ANKRD28: variants seen among roughly 807,000 people sequenced by gnomAD.
ANKRD28 encodes the protein ankyrin repeat domain 28, also known as serine/threonine-protein phosphatase 6 regulatory ankyrin repeat subunit A.
Under a neutral mutation model 126.5 loss-of-function variants are expected in ANKRD28, and 44 were observed. The ratio of observed to expected loss-of-function variants is 0.35; its 90% CI spans 0.27 to 0.45. The LOEUF is 0.45. Ranked by LOEUF, ANKRD28 falls within the 20% of genes least tolerant of loss-of-function variation. ANKRD28 has a pLI of 1.00. For synonymous variants in ANKRD28, 442 were observed against 468.5 expected, an observed-to-expected ratio of 0.94 and a Z score of 0.73; for missense variants, 1,110 against 1,316.6, an observed-to-expected ratio of 0.84 and a Z score of 2.43.
rs551103706 is a variant in ANKRD28, at chr3:15,744,473, CT to C, written c.352-7241del. 1.6e-3 allele frequency among the ~76,000 whole-genome samples: 222 copies of C among 137,198 alleles called. 1 individual carries two copies. Among genetic ancestry groups the C allele is most frequent in the Middle Eastern group, 7.4e-3 (2 of 270 alleles). The allele number at this position is 137,198 out of a possible 152,430, so 90.0% of individuals were successfully genotyped here. A position where few individuals can be genotyped will look rare whatever the true frequency, so the allele number is the denominator to read the frequency against. On this transcript the variant is annotated intron_variant, in intron 4 of 27. Coordinates refer to ENST00000683139, the MANE Select transcript of ANKRD28 (RefSeq NM_001349278.2). The stretch of plus-strand genomic sequence containing the variant: ...TACAGGCGGGCACCACCAAACCTGG[CT>C]TTTTTTTTTTTTTTGTACTTTTCAT...
chr3:15,766,740 A>C (rs1366969448), intron 2 of ANKRD28, among the ~76,000 whole-genome samples: 1 of 152,250 alleles, frequency 6.6e-6, no homozygotes, highest in Non-Finnish European at 1.5e-5. Flanking sequence ...AAAGCCTAAA[A>C]AAATACTTGA....
intron 2 of ANKRD28, among the ~76,000 whole-genome samples, chr3:15,785,573 C>T (rs2059739437): frequency 6.6e-6 from 1 of 152,030 alleles, no homozygotes; most frequent in African/African-American, 2.4e-5. Context: ...CAAATGCTGG[C>T]AAGGATATGA....
intron 3 of ANKRD28, among the ~76,000 whole-genome samples, chr3:15,765,806 C>T (rs1314287383): frequency 6.7e-6 from 1 of 150,208 alleles, no homozygotes; most frequent in African/African-American, 2.5e-5. Context: ...TGCCACTATA[C>T]CCTGGCAACA....
At chr3:15,844,002 G>A (rs1364824467) in intron 1 of ANKRD28, among the ~76,000 whole-genome samples, 2 of 152,114 alleles carry the variant, frequency 1.3e-5, no homozygotes, top group East Asian at 3.8e-4. Flanking sequence ...GGGTAGGGTA[G>A]GTGATAGTTG....
chr3:15,741,743 T>A (rs2057034906), intron 4 of ANKRD28, among the ~76,000 whole-genome samples: 1 of 131,712 alleles, frequency 7.6e-6, no homozygotes, highest in East Asian at 2.4e-4. Context: ...TTTTTAGCAA[T>A]TCTTACCATT....
At chr3:15,773,135 TA>T (rs764725685) in intron 2 of ANKRD28, among the ~76,000 whole-genome samples, 4,609 of 136,574 alleles carry the variant, frequency 0.034, 217 homozygotes, top group African/African-American at 0.1. Flanking sequence ...CCAAGGAATC[TA>T]AAAAAAAAAA....
rs375403640 is a variant in ANKRD28, at chr3:15,692,731, A to C, written c.1761+2008T>G. Among the ~76,000 whole-genome samples the C allele has an allele frequency of 3.3e-5, 5 of 152,340 alleles. No individual in the cohort carries two copies. The South Asian group carries it at 6.2e-4, about 19-fold the overall frequency. On this transcript the variant is annotated intron_variant, in intron 17 of 27. Coordinates refer to ENST00000683139, the MANE Select transcript of ANKRD28 (RefSeq NM_001349278.2). ...TCCTAGAGATAGATATGAAATGCAA[A>C]AGTGGTGGTATAATCATATTTCATT...
intron 27 of ANKRD28, among the ~76,000 whole-genome samples, chr3:15,672,892 C>T (rs900075861): frequency 6.6e-6 from 1 of 152,260 alleles, no homozygotes; most frequent in Non-Finnish European, 1.5e-5. Flanking sequence ...TCTCTTGCCT[C>T]AGCCTCCCAA....
chr3:15,753,760 T>C (rs112149174), intron 3 of ANKRD28, among the ~76,000 whole-genome samples: 20,870 of 152,022 alleles, frequency 0.14, 2,159 homozygotes, highest in East Asian at 0.58. Context: ...CTGGCCAACA[T>C]GGTGAAACCC....
chr3:15,728,292 GTAATTAAT>G (rs113830679), intron 6 of ANKRD28, among the ~76,000 whole-genome samples: 2 of 151,472 alleles, frequency 1.3e-5, no homozygotes, highest in South Asian at 2.1e-4. Flanking sequence ...AACATATTTT[GTAATTAAT>G]TAATTATTTT....
At chr3:15,721,267 T>C (rs2073696236) in intron 7 of ANKRD28, 140 bp from the exon 8 acceptor site, 1 of 715,606 alleles carries the variant, frequency 1.4e-6, no homozygotes. Context: ...ATAAGGCTTA[T>C]AATTCTAAAG....
chr3:15,794,981 T>C (rs1417986059), intron 2 of ANKRD28, among the ~76,000 whole-genome samples: 1 of 152,174 alleles, frequency 6.6e-6, no homozygotes, highest in Non-Finnish European at 1.5e-5. Context: ...AGCATGTTTT[T>C]TTAACTTCCC....
At position 15,806,557 on chromosome 3, in the gene ANKRD28, T is replaced by A. The variant is rs539839270; in HGVS notation, c.28-11251A>T. 2.0e-5 allele frequency among the ~76,000 whole-genome samples: 3 copies of A among 152,064 alleles called. No homozygotes were observed. In the East Asian group the frequency reaches 5.8e-4, roughly 29 times the overall value. The stretch of plus-strand genomic sequence containing the variant: ...TTTTTTTTGAGACAGAGTCTCACTC[T>A]GTCACCCAGGCTGGAGTGCAGTGGC... On this transcript the variant is annotated intron_variant, in intron 1 of 27. Transcript: ENST00000399451.
intron 14 of ANKRD28, among the ~76,000 whole-genome samples, chr3:15,705,338 G>A (rs1215728858): frequency 6.6e-6 from 1 of 152,146 alleles, no homozygotes; most frequent in Non-Finnish European, 1.5e-5. Flanking sequence ...TTGTGTGTGT[G>A]TGAATTCAGG....
At chr3:15,694,230 G>C (rs2069204681) in intron 17 of ANKRD28, among the ~76,000 whole-genome samples, 1 of 152,022 alleles carries the variant, frequency 6.6e-6, no homozygotes, top group Non-Finnish European at 1.5e-5. Context: ...AAATTTAGAG[G>C]AATCTTAAAG....
rs2125893571 is a variant in ANKRD28, at chr3:15,814,212, T to C, written c.28-18906A>G. ...AAATTACAAGAGCTGCCTATATTAC[T>C]GCAAGAGACTACTAGAAAATAACCT... On this transcript the variant is annotated intron_variant, in intron 1 of 27. Transcript: ENST00000399451. This position sits in a 1 kb window ranked among gnomAD's most constrained non-coding sequence, Gnocchi z 4.7. The C allele has an allele frequency of 1.7e-6, 2 of 1,185,194 alleles. No homozygotes were observed. The allele number at this position is 1,185,194 out of a possible 1,614,324, so 73.4% of individuals were successfully genotyped here.
At chr3:15,796,228 A>G (rs1054893312) in intron 1 of ANKRD28, among the ~76,000 whole-genome samples, 177 bp downstream of exon 1, 3 of 152,194 alleles carry the variant, frequency 2.0e-5, no homozygotes, top group Non-Finnish European at 4.4e-5. Flanking sequence ...AGCATTCAAA[A>G]AAGTAAAAAC....
At chr3:15,728,302 AATT>A (rs1392917403) in intron 6 of ANKRD28, among the ~76,000 whole-genome samples, 3 of 152,122 alleles carry the variant, frequency 2.0e-5, no homozygotes, top group African/African-American at 7.2e-5. Context: ...GTAATTAATT[AATT>A]ATTTTTAGAA....
At chr3:15,798,843 T>C (rs1273408192), upstream of ANKRD28, among the ~76,000 whole-genome samples, 1 of 152,080 alleles carries the variant, frequency 6.6e-6, no homozygotes, top group Admixed American at 6.6e-5. Flanking sequence ...GAAAATACCA[T>C]GGTCCCCCTT....
Sources: gnomAD v4.1 joint callset for allele counts (sites outside exome capture counted in the v4.1 genomes callset) on GRCh38, gnomAD v4.1.1 for gene constraint, Gnocchi (gnomAD v3.1) non-coding constraint, MANE v1.5 for transcripts, NCBI Gene and HGNC (gene_info 2026-07-23, HGNC 2026-07-21) for gene names.